BCL7A: variants seen among roughly 807,000 people sequenced by gnomAD.
BCL7A encodes the protein BAF chromatin remodeling complex subunit BCL7A, also known as B-cell CLL/lymphoma 7 protein family member A.
A neutral mutation model predicts 28.4 loss-of-function variants in BCL7A; 11 were observed. The observed-to-expected ratio is 0.39, with a 90% CI of 0.24 to 0.64. BCL7A has a LOEUF of 0.64. BCL7A is among the 30% of genes least tolerant of loss of function. The pLI, the probability that BCL7A is intolerant of heterozygous loss-of-function variation, is 0.50. For synonymous variants in BCL7A, 123 were observed against 103.3 expected, an observed-to-expected ratio of 1.19 and a Z score of -1.15; for missense variants, 222 against 274.8, an observed-to-expected ratio of 0.81 and a Z score of 1.36.
chr12:122,042,635 G>C (rs1176375964), intron 3 of BCL7A, among the ~76,000 whole-genome samples: 2 of 144,102 alleles, frequency 1.4e-5, no homozygotes, highest in Admixed American at 7.2e-5. Context: ...GGGCGACAGA[G>C]CAAGACTCCA....
Position 122,021,951 on chromosome 12 carries a change from T to TGTGTGTGTGTGTGA in BCL7A, c.-134_-133insTGTGTGAGTGTGTG. The TGTGTGTGTGTGTGA allele has an allele frequency of 3.4e-6, 2 of 588,910 alleles. No individual in the cohort carries two copies. The highest frequency in any genetic ancestry group is 2.6e-5 in the Admixed American group (1 of 38,462). 36.5% of individuals were successfully genotyped at this position (588,910 alleles called of 1,614,324 possible). A position where few individuals can be genotyped will look rare whatever the true frequency, so the allele number is the denominator to read the frequency against. ...GTGTATGTGTGTGTGTGTGTGTGTG[T>TGTGTGTGTGTGTGA]GTGTGTGAGTGTGTGCGTGTGAGAG... On this transcript the variant is annotated 5_prime_UTR_variant, in exon 1 of 6. The change abolishes the stop of an existing upstream ORF in the 5' untranslated region. Coordinates refer to ENST00000261822, the MANE Select transcript of BCL7A (RefSeq NM_001024808.3).
intron 1 of BCL7A, among the ~76,000 whole-genome samples, chr12:122,023,047 T>A (rs922180476): frequency 1.3e-5 from 2 of 152,080 alleles, no homozygotes; most frequent in Non-Finnish European, 2.9e-5. Context: ...GGGGACTTGG[T>A]GGCGGCCGCG....
At chr12:122,058,776 AGTG>A (rs1329599588) in intron 5 of BCL7A, among the ~76,000 whole-genome samples, 6 of 152,208 alleles carry the variant, frequency 3.9e-5, no homozygotes, top group Non-Finnish European at 8.8e-5. Flanking sequence ...AGTCTGAATG[AGTG>A]GGGAGAGCCT....
chr12:122,035,904 G>T (rs115018131), intron 3 of BCL7A, among the ~76,000 whole-genome samples: 25 of 152,096 alleles, frequency 1.6e-4, no homozygotes, highest in African/African-American at 5.1e-4. Flanking sequence ...GCGGTGGCGT[G>T]GTCTTGGCTC....
chr12:122,049,291 C>G (rs937816793), intron 4 of BCL7A, among the ~76,000 whole-genome samples: 16 of 149,882 alleles, frequency 1.1e-4, no homozygotes, highest in African/African-American at 3.2e-4. Flanking sequence ...GGCAGGACCA[C>G]AGAGCTCAAA....
At position 122,061,022 on chromosome 12, in the gene BCL7A, C is replaced by T. The variant is rs1347502345; in HGVS notation, c.*1859C>T. On this transcript the variant is annotated 3_prime_UTR_variant, in exon 6 of 6. Coordinates refer to ENST00000261822, the MANE Select transcript of BCL7A (RefSeq NM_001024808.3). ...CTTAGGCAGTCAGTTTTGTTGAGAA[C>T]TGTGTCCTGCATCCTGGCGCAGAAC... The T allele has an allele frequency of 4.4e-6, 1 of 225,862 alleles. No homozygotes were observed. Among genetic ancestry groups the T allele is most frequent in the Non-Finnish European group, 8.8e-6 (1 of 113,304 alleles). 14.0% of individuals were successfully genotyped at this position (225,862 alleles called of 1,614,324 possible).
chr12:122,031,847 C>T (rs1883752741), intron 2 of BCL7A, among the ~76,000 whole-genome samples: 1 of 152,200 alleles, frequency 6.6e-6, no homozygotes, highest in Admixed American at 6.5e-5. Flanking sequence ...AGACAGTGCT[C>T]TCCCAACTTC....
chr12:122,036,898 G>C (rs7298990), intron 3 of BCL7A, among the ~76,000 whole-genome samples: 5 of 151,816 alleles, frequency 3.3e-5, no homozygotes, highest in Non-Finnish European at 7.4e-5. Flanking sequence ...TAGTAGATAC[G>C]AGGTTTCACC....
In BCL7A at chr12:122,022,147, A is replaced by G. The variant is rs757334465; in HGVS notation, c.56A>G (p.Lys19Arg). Reference sequence around the variant, plus strand: ...AGGAGCCGGGCCAAAGATGATATCAAGAGGGTCATGGCGGCGATCGAGAAA... The same window carrying G: ...AGGAGCCGGGCCAAAGATGATATCAGGAGGGTCATGGCGGCGATCGAGAAA... ...ETRSRAKDDI[K>R]RVMAAIEKVR... The change falls in exon 1 of 6, where the codon AAG becomes AGG. Residue 19 changes from lysine to arginine, a missense_variant. Physicochemically the swap from Lys to Arg is conservative, Grantham distance 26. This residue lies in a region of BCL7A where 67 missense variants were observed against 129.1 expected (regional missense o/e 0.52). Coordinates refer to ENST00000261822, the MANE Select transcript of BCL7A (RefSeq NM_001024808.3). 1 of 1,580,364 alleles carries G rather than the reference A, an allele frequency of 6.3e-7. No homozygotes were observed. Among genetic ancestry groups the G allele is most frequent in the South Asian group, 1.1e-5 (1 of 89,156 alleles).
At chr12:122,034,422 T>A (rs1883808341) in intron 2 of BCL7A, among the ~76,000 whole-genome samples, 1 of 94,462 alleles carries the variant, frequency 1.1e-5, no homozygotes. Flanking sequence ...ATGATTCCTT[T>A]CGTAAAAAAA....
At chr12:122,035,724 A>G (rs1206048272) in intron 3 of BCL7A, among the ~76,000 whole-genome samples, 1 of 152,222 alleles carries the variant, frequency 6.6e-6, no homozygotes, top group Non-Finnish European at 1.5e-5. Flanking sequence ...TCGTGTGTCC[A>G]GGAAGATTGT....
In BCL7A at chr12:122,059,506, A is replaced by C; in HGVS notation, c.*343A>C. The C allele has an allele frequency of 3.6e-6, 1 of 277,340 alleles. No homozygotes were observed. The highest frequency in any genetic ancestry group is 6.9e-6 in the Non-Finnish European group (1 of 144,838). 17.2% of individuals were successfully genotyped at this position (277,340 alleles called of 1,614,324 possible). ...TCTATGTAACGATATAAGCTATCGG[A>C]GGGTGGTACCGATCAGGAACGCTTT... On this transcript the variant is annotated 3_prime_UTR_variant, in exon 6 of 6. Transcript: ENST00000261822. This position sits in a 1 kb window ranked among gnomAD's most constrained non-coding sequence, Gnocchi z 4.0.
At chr12:122,043,061 C>G (rs978440165) in intron 3 of BCL7A, among the ~76,000 whole-genome samples, 15 of 151,492 alleles carry the variant, frequency 9.9e-5, no homozygotes, top group African/African-American at 3.6e-4. Flanking sequence ...ACCACGTGTC[C>G]CGTGGAATAT....
intron 1 of BCL7A, among the ~76,000 whole-genome samples, chr12:122,024,032 T>C (rs1291046694): frequency 1.4e-4 from 22 of 152,128 alleles, no homozygotes. Context: ...GGCCAGCTGC[T>C]CTGCAGGGAG....
At chr12:122,036,657 C>T (rs895766279) in intron 3 of BCL7A, among the ~76,000 whole-genome samples, 5 of 151,920 alleles carry the variant, frequency 3.3e-5, no homozygotes, top group African/African-American at 1.2e-4. Context: ...CAGGTCCTCA[C>T]GGTTTTCTCC....
intron 3 of BCL7A, among the ~76,000 whole-genome samples, chr12:122,039,818 T>C (rs188287419): frequency 3.3e-5 from 5 of 151,296 alleles, no homozygotes; most frequent in African/African-American, 1.2e-4. Context: ...TGCCACTGCA[T>C]TCCAGCCTGG....
At chr12:122,056,319 G>T (rs1321822469) in intron 5 of BCL7A, among the ~76,000 whole-genome samples, 1 of 151,920 alleles carries the variant, frequency 6.6e-6, no homozygotes, top group Non-Finnish European at 1.5e-5. Context: ...ACCTGGAAAT[G>T]CCAGGAGTCC....
chr12:122,043,940 A>G lies in BCL7A; in HGVS notation c.326A>G (p.Asn109Ser). Residue 109 changes from asparagine to serine, a missense_variant, in exon 4 of 6, where the codon AAC becomes AGC. Around this residue, in one of 2 missense-constraint regions of BCL7A, gnomAD observed 155 missense variants for 145.7 expected, o/e 1.06. Coordinates refer to ENST00000261822, the MANE Select transcript of BCL7A (RefSeq NM_001024808.3). ...GATGCCTCCCCCATCAAACAGGAGAACAGCAGCAACTCCAGCCCCGCTCCA... is the reference window on the plus strand; with the variant it reads ...GATGCCTCCCCCATCAAACAGGAGAGCAGCAGCAACTCCAGCCCCGCTCCA... ...IADASPIKQENSSNSSPAPEP... is the reference protein window; with the variant it reads ...IADASPIKQESSSNSSPAPEP... The G allele has an allele frequency of 6.2e-7, 1 of 1,613,986 alleles. No homozygotes were observed. Among genetic ancestry groups the G allele is most frequent in the East Asian group, 2.2e-5 (1 of 44,876 alleles).
intron 3 of BCL7A, among the ~76,000 whole-genome samples, chr12:122,036,270 A>G (rs1310122241): frequency 2.0e-5 from 3 of 152,070 alleles, no homozygotes; most frequent in Non-Finnish European, 2.9e-5. Context: ...GGAAACACGC[A>G]CCTGTAGTCC....
Sources: allele counts gnomAD v4.1 joint callset (sites outside exome capture counted in the v4.1 genomes callset), GRCh38; gene constraint gnomAD v4.1.1; regional missense constraint gnomAD v4.1.1; non-coding constraint Gnocchi (gnomAD v3.1); transcripts MANE v1.5; gene names NCBI Gene and HGNC (gene_info 2026-07-23, HGNC 2026-07-21).